The following PHF20L1 variants were observed in gnomAD, a reference collection of about 807,000 sequenced individuals.
PHF20L1 encodes the protein PHD finger protein 20-like protein 1.
PHF20L1 carries 44 observed loss-of-function variants against 125.5 expected under a neutral mutation model. That is an observed-to-expected ratio of 0.35 (90% CI 0.28 to 0.45). The LOEUF (loss-of-function observed/expected upper bound fraction) is 0.45, where lower values mean the gene tolerates loss of function less well. Ranked by LOEUF, PHF20L1 falls within the 20% of genes least tolerant of loss-of-function variation. The probability of loss-of-function intolerance (pLI) is 1.00; values close to 1 mark genes in which losing one functional copy is unlikely to be tolerated. For synonymous variants in PHF20L1, 380 were observed against 403.1 expected (o/e 0.94, Z 0.69); for missense variants, 1,012 against 1,217.2 (o/e 0.83, Z 2.51).
At chr8:132,794,863 A>G (rs375920759) in intron 4 of PHF20L1, 46 bp downstream of exon 4, 1 of 1,206,668 alleles carries the variant, frequency 8.3e-7, no homozygotes, top group Admixed American at 1.9e-5. Flanking sequence ...ATTAATAGTA[A>G]AATTTCACTG....
chr8:132,845,158 C>CAT (rs1838309211), intron 20 of PHF20L1, among the ~76,000 whole-genome samples: 1 of 151,974 alleles, frequency 6.6e-6, no homozygotes, highest in Admixed American at 6.6e-5. Context: ...GATACTATTT[C>CAT]ATATTATTAG....
chr8:132,836,737 C>G lies in PHF20L1; in HGVS notation c.2091+16C>G. The G allele has an allele frequency of 6.3e-7, 1 of 1,587,644 alleles. No homozygotes were observed. The highest frequency in any genetic ancestry group is 8.6e-7 in the Non-Finnish European group (1 of 1,158,110). ...CATGATCCAGGTAATTGGTTAACCT[C>G]TCTTCCCTATAATGAGTTAGTTGTT... On this transcript the variant is annotated intron_variant, in intron 16 of 20. Transcript: ENST00000395386.
At chr8:132,799,469 A>T (rs1346303666) in intron 6 of PHF20L1, 1 of 214,598 alleles carries the variant, frequency 4.7e-6, no homozygotes, top group Non-Finnish European at 9.1e-6. Flanking sequence ...GGTAAAAACC[A>T]CAATTCCATT....
chr8:132,783,904 T>TGTAA (rs1314818504), intron 2 of PHF20L1, among the ~76,000 whole-genome samples: 1 of 152,184 alleles, frequency 6.6e-6, no homozygotes, highest in East Asian at 1.9e-4. Flanking sequence ...ATTTGAAATC[T>TGTAA]GTAAGTTTTG....
intron 18 of PHF20L1, chr8:132,842,300 A>G (rs1838012959): frequency 4.8e-6 from 2 of 420,182 alleles, no homozygotes; most frequent in African/African-American, 4.1e-5. Context: ...CAACACAATT[A>G]AATTTGTTAT....
At chr8:132,799,626 C>CT (rs1168368288) in intron 6 of PHF20L1, 1 of 153,330 alleles carries the variant, frequency 6.5e-6, no homozygotes, top group African/African-American at 2.4e-5. Context: ...GTAAAAATGT[C>CT]TAATATGGAA....
At chr8:132,786,843 A>T (rs1831092684) in intron 2 of PHF20L1, among the ~76,000 whole-genome samples, 1 of 152,172 alleles carries the variant, frequency 6.6e-6, no homozygotes, top group African/African-American at 2.4e-5. Flanking sequence ...AATCATAACA[A>T]TAACATGAAC....
intron 15 of PHF20L1, among the ~76,000 whole-genome samples, chr8:132,832,779 GTCTGTCT>G (rs1836913788): frequency 6.6e-6 from 1 of 152,070 alleles, no homozygotes; most frequent in African/African-American, 2.4e-5. Flanking sequence ...TCTAACCAAG[GTCTGTCT>G]TAACTCCGTA....
At chr8:132,775,821 C>T (rs774245723) in intron 1 of PHF20L1, among the ~76,000 whole-genome samples, 176 bp downstream of exon 1, 2 of 152,166 alleles carry the variant, frequency 1.3e-5, no homozygotes, top group Admixed American at 6.5e-5. Context: ...TTCCTTACCC[C>T]CCTGCGGAGG....
Position 132,775,527 on chromosome 8 carries a change from C to A in PHF20L1, c.-156C>A, listed in dbSNP as rs1586819397. On this transcript the variant is annotated 5_prime_UTR_variant, in exon 1 of 21. Transcript: ENST00000395386. ...GCGGCCCCAGCTCGCTCCGCTCCTG[C>A]TCCCTCCCCGGCCGCTGCCTGGGCG... The A allele has an allele frequency of 2.9e-5, 11 of 373,466 alleles. No individual in the cohort carries two copies. In the East Asian group the frequency reaches 4.3e-4, roughly 15 times the overall value. The allele number at this position is 373,466 out of a possible 1,614,324, so 23.1% of individuals were successfully genotyped here.
At chr8:132,788,347 A>G (rs993796996) in intron 2 of PHF20L1, among the ~76,000 whole-genome samples, 1 of 152,150 alleles carries the variant, frequency 6.6e-6, no homozygotes, top group African/African-American at 2.4e-5. Context: ...TTTAAAATAC[A>G]TAATTTGAAT....
chr8:132,799,330 A>G (rs1586908475), intron 6 of PHF20L1, 158 bp downstream of exon 6: 1 of 527,866 alleles, frequency 1.9e-6, no homozygotes, highest in Admixed American at 3.1e-5. Context: ...AAAGGCGCTT[A>G]CCTGACACTC....
intron 2 of PHF20L1, among the ~76,000 whole-genome samples, chr8:132,778,487 G>T (rs187132963): frequency 2.0e-5 from 3 of 152,284 alleles, no homozygotes; most frequent in Non-Finnish European, 4.4e-5. Context: ...GTGCAAAATA[G>T]GCTGTCCTTT....
At chr8:132,796,858 C>G (rs1386892853) in intron 4 of PHF20L1, among the ~76,000 whole-genome samples, 1 of 152,048 alleles carries the variant, frequency 6.6e-6, no homozygotes, top group East Asian at 1.9e-4. Context: ...AAGATGTACC[C>G]AAAACAAAGT....
Position 132,814,740 on chromosome 8 carries a change from G to T in PHF20L1, c.1034G>T (p.Gly345Val). The change falls in exon 10 of 21, where the codon GGG becomes GTG. Residue 345 changes from glycine (G) to valine (V), a missense_variant. Gly to Val is a moderately radical substitution (Grantham distance 109). Coordinates refer to ENST00000395386, the MANE Select transcript of PHF20L1 (RefSeq NM_016018.5). ...CTGTTATCCTCAACTTTGTCTTCAG[G>T]GAAGGCTCGCAGCAAGAAATGCAAA... is the stretch of plus-strand genomic sequence containing the variant. ...PALLSSTLSS[G>V]KARSKKCKHE... The T allele has an allele frequency of 6.2e-7, 1 of 1,612,944 alleles. No homozygotes were observed. The highest frequency in any genetic ancestry group is 8.5e-7 in the Non-Finnish European group (1 of 1,179,270).
chr8:132,775,733 GC>G, intron 1 of PHF20L1, 88 bp downstream of exon 1: 1 of 288,006 alleles, frequency 3.5e-6, no homozygotes, highest in Non-Finnish European at 6.4e-6. Flanking sequence ...TCTCTTTCCG[GC>G]CCGCTCCCCT....
chr8:132,844,351 A>G (rs758676181), intron 20 of PHF20L1, 33 bp downstream of exon 20: 3 of 1,517,364 alleles, frequency 2.0e-6, no homozygotes, highest in East Asian at 2.3e-5. Context: ...TACAGTTACT[A>G]TAGTGAATTT....
intron 2 of PHF20L1, among the ~76,000 whole-genome samples, chr8:132,782,895 G>A (rs1830598419): frequency 6.6e-6 from 1 of 151,822 alleles, no homozygotes; most frequent in African/African-American, 2.4e-5. Context: ...TCTTTTTGAA[G>A]TGATAATAAA....
At chr8:132,795,759 C>A (rs548579347) in intron 4 of PHF20L1, among the ~76,000 whole-genome samples, 18 of 151,782 alleles carry the variant, frequency 1.2e-4, no homozygotes, top group Non-Finnish European at 2.7e-4. Context: ...TATGTTTTTT[C>A]CTATACTGTA....
Sources: gnomAD v4.1 joint callset for allele counts (sites outside exome capture counted in the v4.1 genomes callset) on GRCh38, gnomAD v4.1.1 for gene constraint, MANE v1.5 for transcripts, NCBI Gene and HGNC (gene_info 2026-07-23, HGNC 2026-07-21) for gene names.